The following TSPAN5 variants were observed in gnomAD, a reference collection of about 807,000 sequenced individuals.
TSPAN5 encodes the protein tetraspanin 5, also known as tetraspanin-5.
TSPAN5 carries 10 observed loss-of-function variants against 37.1 expected under a neutral mutation model. The ratio of observed to expected loss-of-function variants is 0.27; its 90% CI spans 0.17 to 0.46. The LOEUF is 0.46. TSPAN5 is among the 20% of genes least tolerant of loss of function. TSPAN5 has a pLI of 1.00. For synonymous variants in TSPAN5, 110 were observed against 118.9 expected, an observed-to-expected ratio of 0.93 and a Z score of 0.48; for missense variants, 195 against 326.6, an observed-to-expected ratio of 0.60 and a Z score of 3.11.
intron 7 of TSPAN5, among the ~76,000 whole-genome samples, chr4:98,475,925 G>T (rs182243163): frequency 6.6e-6 from 1 of 152,040 alleles, no homozygotes; most frequent in African/African-American, 2.4e-5. Flanking sequence ...AAGAGGCGGA[G>T]CTTTCAGTGA....
intron 1 of TSPAN5, chr4:98,657,687 G>T: frequency 4.6e-6 from 1 of 219,296 alleles, no homozygotes. Flanking sequence ...GACCAGCCGC[G>T]GCAACACGGA....
chr4:98,509,967 T>C (rs1333654145), intron 1 of TSPAN5: 1 of 152,130 alleles, frequency 6.6e-6, no homozygotes, highest in African/African-American at 2.4e-5. Flanking sequence ...CATGGACAAA[T>C]GTTTGGTTAT....
intron 1 of TSPAN5, among the ~76,000 whole-genome samples, chr4:98,592,478 C>A (rs1392262474): frequency 7.2e-6 from 1 of 137,938 alleles, no homozygotes; most frequent in Non-Finnish European, 1.5e-5. Flanking sequence ...GGTACATGTG[C>A]ACATTGTGCA....
intron 1 of TSPAN5, among the ~76,000 whole-genome samples, chr4:98,592,428 G>C (rs28651709): frequency 1.2e-4 from 14 of 119,104 alleles, no homozygotes; most frequent in Non-Finnish European, 2.2e-4. Context: ...TCTGTTTTTT[G>C]TTTTTTTTTT....
At chr4:98,635,638 T>G (rs965374025) in intron 1 of TSPAN5, among the ~76,000 whole-genome samples, 6 of 152,038 alleles carry the variant, frequency 3.9e-5, no homozygotes, top group Non-Finnish European at 8.8e-5. Flanking sequence ...GAAAATAAGG[T>G]GCTGAACGGG....
intron 1 of TSPAN5, among the ~76,000 whole-genome samples, chr4:98,552,147 A>G (rs1468558058): frequency 6.6e-6 from 1 of 152,078 alleles, no homozygotes; most frequent in Non-Finnish European, 1.5e-5. Flanking sequence ...ATCTTTTCAA[A>G]AAACCAACTT....
intron 7 of TSPAN5, among the ~76,000 whole-genome samples, chr4:98,475,002 A>C (rs1169258974): frequency 6.6e-6 from 1 of 152,100 alleles, no homozygotes; most frequent in Non-Finnish European, 1.5e-5. Context: ...TTGATTTTTC[A>C]ATTTTATTCC....
At chr4:98,628,011 C>T (rs1756648448) in intron 1 of TSPAN5, among the ~76,000 whole-genome samples, 1 of 152,196 alleles carries the variant, frequency 6.6e-6, no homozygotes, top group African/African-American at 2.4e-5. Context: ...ACATCTACAG[C>T]TCCCCTGACA....
At chr4:98,564,121 C>T (rs1295248733) in intron 1 of TSPAN5, among the ~76,000 whole-genome samples, 2 of 152,190 alleles carry the variant, frequency 1.3e-5, no homozygotes, top group Non-Finnish European at 2.9e-5. Context: ...GCAACAATTT[C>T]ACTTTTCCCC....
chr4:98,476,680 A>G (rs1301692187), intron 5 of TSPAN5, among the ~76,000 whole-genome samples: 1 of 152,226 alleles, frequency 6.6e-6, no homozygotes, highest in Non-Finnish European at 1.5e-5. Context: ...ACAAATAAGG[A>G]AAACTAAGGC....
At chr4:98,495,585 G>A (rs1753188900) in intron 2 of TSPAN5, among the ~76,000 whole-genome samples, 1 of 150,514 alleles carries the variant, frequency 6.6e-6, no homozygotes, top group African/African-American at 2.4e-5. Context: ...CTCCTCATTA[G>A]TGCCTTATTC....
intron 1 of TSPAN5, among the ~76,000 whole-genome samples, chr4:98,570,956 G>A (rs768512027): frequency 1.7e-4 from 25 of 151,358 alleles, no homozygotes; most frequent in Non-Finnish European, 3.5e-4. Context: ...AGGTTGCAGC[G>A]AGCCGAGATC....
chr4:98,657,940 C>A (rs1579060811), intron 1 of TSPAN5, among the ~76,000 whole-genome samples: 1 of 152,224 alleles, frequency 6.6e-6, no homozygotes, highest in East Asian at 1.9e-4. Context: ...GCCTCGATTT[C>A]TCTTTTCACC....
intron 1 of TSPAN5, among the ~76,000 whole-genome samples, chr4:98,591,091 A>C (rs62323636): frequency 6.8e-6 from 1 of 147,944 alleles, no homozygotes; most frequent in Non-Finnish European, 1.5e-5. Context: ...TTTTTTTTTA[A>C]TAAGTGAAAA....
chr4:98,491,034 C>T (rs1359492263), intron 2 of TSPAN5, among the ~76,000 whole-genome samples: 1 of 151,918 alleles, frequency 6.6e-6, no homozygotes, highest in Non-Finnish European at 1.5e-5. Context: ...TGCACTCCAG[C>T]CTGGGTGACA....
intron 1 of TSPAN5, among the ~76,000 whole-genome samples, chr4:98,640,849 T>C (rs1756950713): frequency 6.6e-6 from 1 of 152,212 alleles, no homozygotes; most frequent in Admixed American, 6.5e-5. Context: ...GGTCACCTAC[T>C]GGTCCCTCAA....
At chr4:98,567,830 C>T (rs975020551) in intron 1 of TSPAN5, among the ~76,000 whole-genome samples, 7 of 152,000 alleles carry the variant, frequency 4.6e-5, no homozygotes, top group African/African-American at 1.7e-4. Context: ...CCTGGTCAGG[C>T]GAGTGTTCAG....
intron 2 of TSPAN5, among the ~76,000 whole-genome samples, chr4:98,501,793 A>G (rs532365945): frequency 1.1e-4 from 16 of 152,314 alleles, no homozygotes; most frequent in African/African-American, 3.8e-4. Context: ...GTGAGAAGAT[A>G]AGCTCACTGG....
At chr4:98,589,332 T>C (rs991170456) in intron 1 of TSPAN5, among the ~76,000 whole-genome samples, 5 of 152,182 alleles carry the variant, frequency 3.3e-5, no homozygotes, top group Non-Finnish European at 7.3e-5. Flanking sequence ...AGAACAATCC[T>C]GGTCTGGAAG....
Sources: allele counts gnomAD v4.1 joint callset (sites outside exome capture counted in the v4.1 genomes callset), GRCh38; gene constraint gnomAD v4.1.1; transcripts MANE v1.5; gene names NCBI Gene and HGNC (gene_info 2026-07-23, HGNC 2026-07-21).